VCPIP1: variants seen among roughly 807,000 people sequenced by gnomAD.
VCPIP1 encodes valosin containing protein interacting protein 1, also known as deubiquitinating protein VCPIP1.
Under a neutral mutation model 85.0 loss-of-function variants are expected in VCPIP1, and 8 were observed. That is an observed-to-expected ratio of 0.09 (90% CI 0.06 to 0.17). The LOEUF (loss-of-function observed/expected upper bound fraction) is 0.17. VCPIP1 is among the 10% of genes least tolerant of loss of function. VCPIP1 has a pLI of 1.00. For missense variants in VCPIP1, 1,070 were observed against 1,486.3 expected (o/e 0.72, Z 4.61); for synonymous variants, 543 against 544.5 (o/e 1.00, Z 0.04).
chr8:66,635,236 T>G lies in VCPIP1; in HGVS notation c.2934A>C (p.Leu978Phe). The G allele has an allele frequency of 6.2e-7, 1 of 1,614,186 alleles. No homozygotes were observed. The highest frequency in any genetic ancestry group is 1.3e-5 in the African/African-American group (1 of 75,048). Residue 978 changes from leucine to phenylalanine, a missense_variant, in exon 3 of 3, where the codon TTA becomes TTC. Physicochemically the swap from Leu to Phe is conservative, Grantham distance 22. Around this residue, in one of 8 missense-constraint regions of VCPIP1, gnomAD observed 255 missense variants for 289.5 expected, o/e 0.88. Transcript: ENST00000310421. ...HFPIGPDVED[L>F]VKEAVSQVRA... ...GAACCTGACTTACAGCCTCTTTAAC[T>G]AAATCTTCAACATCAGGACCAATGG...
intron 2 of VCPIP1, among the ~76,000 whole-genome samples, chr8:66,649,332 G>A (rs557796985): frequency 1.8e-4 from 28 of 152,096 alleles, no homozygotes; most frequent in South Asian, 8.3e-4. Flanking sequence ...GCAACATGGC[G>A]AAACCCCATC....
At chr8:66,655,627 T>C (rs1811092227) in intron 1 of VCPIP1, among the ~76,000 whole-genome samples, 1 of 152,184 alleles carries the variant, frequency 6.6e-6, no homozygotes. Flanking sequence ...AACTAATGAT[T>C]ATATGCTACT....
Position 66,631,897 on chromosome 8 carries a change from A to C in VCPIP1, c.*2604T>G, listed in dbSNP as rs1005188137. On this transcript the variant is annotated 3_prime_UTR_variant, in exon 3 of 3. Transcript: ENST00000310421. The stretch of plus-strand genomic sequence containing the variant: ...TTCTCATTACCAGTATTCTAGATAC[A>C]TACTATCTTCAACACTACCTGGACT... 6.6e-6 allele frequency: 1 copy of C among 152,544 alleles called. No homozygotes were observed. The highest frequency in any genetic ancestry group is 6.5e-5 in the Admixed American group (1 of 15,270). 9.4% of individuals were successfully genotyped at this position (152,544 alleles called of 1,614,324 possible).
At position 66,667,020 on chromosome 8, in the gene VCPIP1, A is replaced by AC. The variant is rs1811225185; in HGVS notation, c.-63dup. On this transcript the variant is annotated 5_prime_UTR_variant, in exon 1 of 3. Transcript: ENST00000310421. ...CGACCCTCAAAAGCTCATAGCCCAG[A>AC]CCCCCACCAACCCGACTCGGTCCAG... 1.4e-6 allele frequency: 2 copies of AC among 1,444,366 alleles called. No homozygotes were observed. The highest frequency in any genetic ancestry group is 2.9e-5 in the Admixed American group (1 of 34,948). The allele number at this position is 1,444,366 out of a possible 1,614,324, so 89.5% of individuals were successfully genotyped here. A position where few individuals can be genotyped will look rare whatever the true frequency, so the allele number is the denominator to read the frequency against.
rs183481960 is a variant in VCPIP1 at position 66,661,704 on chromosome 8, C to T, written c.2710+2545G>A. On this transcript the variant is annotated intron_variant, in intron 1 of 2. Coordinates refer to ENST00000310421, the MANE Select transcript of VCPIP1 (RefSeq NM_025054.5). ...TGAGCTGAGATCGCGCCACTGCATT[C>T]CAGCCTGGGCGACAGAGTGAGACTC... 4.4e-3 allele frequency among the ~76,000 whole-genome samples: 668 copies of T among 151,178 alleles called. 3 individuals carry two copies. Among genetic ancestry groups the T allele is most frequent in the Non-Finnish European group, 7.3e-3 (495 of 67,816 alleles).
At chr8:66,661,824 C>T (rs1811161065) in intron 1 of VCPIP1, among the ~76,000 whole-genome samples, 1 of 147,358 alleles carries the variant, frequency 6.8e-6, no homozygotes, top group South Asian at 2.2e-4. Flanking sequence ...AGTGCAGTGG[C>T]ACGATCTCGG....
At chr8:66,638,970 C>CTCTCTCTCTCTCTCTATATATATA in intron 2 of VCPIP1, among the ~76,000 whole-genome samples, 1 of 118,424 alleles carries the variant, frequency 8.4e-6, no homozygotes, top group Non-Finnish European at 1.6e-5. Flanking sequence ...CTCTCTCTCT[C>CTCTCTCTCTCTCTCTATATATATA]TATATATATA....
chr8:66,647,779 A>T (rs1811011053), intron 2 of VCPIP1, among the ~76,000 whole-genome samples: 1 of 152,148 alleles, frequency 6.6e-6, no homozygotes, highest in Admixed American at 6.5e-5. Flanking sequence ...TACATTAAAA[A>T]ATGAACCTTA....
In VCPIP1 at chr8:66,652,482, C is replaced by T. The variant is rs1311134401; in HGVS notation, c.2711-938G>A. Among the ~76,000 whole-genome samples, 3 of 151,990 alleles carry T rather than the reference C, an allele frequency of 2.0e-5. 1 individual carries two copies. Among genetic ancestry groups the T allele is most frequent in the East Asian group, 1.9e-4 (1 of 5,188 alleles). ...TACAAAAATTAGCTGAACGTGGTGG[C>T]GTGCACCTGTAGTTCCAGCTACTTG... On this transcript the variant is annotated intron_variant, in intron 1 of 2. Transcript: ENST00000310421.
chr8:66,654,455 GACAGAGCAAGGCGC>G (rs1443737806), intron 1 of VCPIP1, among the ~76,000 whole-genome samples: 1 of 152,240 alleles, frequency 6.6e-6, no homozygotes, highest in Non-Finnish European at 1.5e-5. Flanking sequence ...CAGCCTGGCT[GACAGAGCAAGGCGC>G]ACACACAAAA....
At chr8:66,658,378 T>A in intron 1 of VCPIP1, among the ~76,000 whole-genome samples, 1 of 149,894 alleles carries the variant, frequency 6.7e-6, no homozygotes, top group African/African-American at 2.5e-5. Flanking sequence ...AAGTACTATC[T>A]AGATTTGAAA....
intron 2 of VCPIP1, among the ~76,000 whole-genome samples, chr8:66,647,080 C>T (rs1315690159): frequency 3.3e-5 from 5 of 151,984 alleles, no homozygotes; most frequent in African/African-American, 7.2e-5. Context: ...TGGTGGCTCA[C>T]GCCTGTAATT....
intron 1 of VCPIP1, among the ~76,000 whole-genome samples, chr8:66,657,094 A>G (rs571702660): frequency 3.9e-5 from 6 of 152,128 alleles, no homozygotes; most frequent in African/African-American, 1.2e-4. Context: ...TAGTAGAGAT[A>G]GGGTTTCTCC....
At chr8:66,647,751 G>A (rs1811010716) in intron 2 of VCPIP1, among the ~76,000 whole-genome samples, 1 of 152,004 alleles carries the variant, frequency 6.6e-6, no homozygotes. Context: ...AAATGGTGCT[G>A]GAACAACTGG....
rs778416894 is a variant in VCPIP1, at chr8:66,664,571, G to A, written c.2388C>T (p.Thr796=). The A allele has an allele frequency of 3.1e-6, 5 of 1,614,148 alleles. No homozygotes were observed. The highest frequency in any genetic ancestry group is 1.6e-4 in the Middle Eastern group (1 of 6,062). The change falls in exon 1 of 3, where the codon ACC becomes ACT. Residue 796 remains threonine (T), a synonymous_variant. Transcript: ENST00000310421. ...QSMVTLKSST[T]FFELQESIAR... Reference sequence around the variant, plus strand: ...CTATACTTTCCTGAAGTTCAAAAAAGGTTGTTGAAGACTTAAGGGTAACCA... The same window carrying A: ...CTATACTTTCCTGAAGTTCAAAAAAAGTTGTTGAAGACTTAAGGGTAACCA...
At chr8:66,636,847 T>G (rs903854313) in intron 2 of VCPIP1, among the ~76,000 whole-genome samples, 1 of 151,252 alleles carries the variant, frequency 6.6e-6, no homozygotes, top group African/African-American at 2.4e-5. Flanking sequence ...AGAGTGAGAC[T>G]CCGTCTCAAA....
At chr8:66,652,329 G>C (rs1450003406) in intron 1 of VCPIP1, among the ~76,000 whole-genome samples, 1 of 152,138 alleles carries the variant, frequency 6.6e-6, no homozygotes, top group Non-Finnish European at 1.5e-5. Context: ...ATATTTTTGG[G>C]CCAGGCATGG....
intron 2 of VCPIP1, among the ~76,000 whole-genome samples, chr8:66,650,817 G>A (rs969128303): frequency 2.5e-5 from 3 of 121,062 alleles, no homozygotes; most frequent in Admixed American, 1.1e-4. Flanking sequence ...CCAAGATAGC[G>A]CCATCACACT....
chr8:66,665,686 G>A lies in VCPIP1; in HGVS notation c.1273C>T (p.His425Tyr). ...GCAACCAAACTAGGATGGATACCAT[G>A]TTTGTCCATAAAGACTTCTTCCATA... ...AAMEEVFMDK[H>Y]GIHPSLVADV... The change falls in exon 1 of 3, where the codon CAT becomes TAT. Residue 425 changes from histidine (H) to tyrosine (Y), a missense_variant. Around this residue, in one of 8 missense-constraint regions of VCPIP1, gnomAD observed 83 missense variants for 134.6 expected, o/e 0.62. Transcript: ENST00000310421. This position sits in a 1 kb window ranked among gnomAD's most constrained non-coding sequence, Gnocchi z 4.3. The A allele has an allele frequency of 1.2e-6, 2 of 1,614,110 alleles. No individual in the cohort carries two copies. The highest frequency in any genetic ancestry group is 8.5e-7 in the Non-Finnish European group (1 of 1,179,986).
Sources: allele counts gnomAD v4.1 joint callset (sites outside exome capture counted in the v4.1 genomes callset), GRCh38; gene constraint gnomAD v4.1.1; regional missense constraint gnomAD v4.1.1; non-coding constraint Gnocchi (gnomAD v3.1); transcripts MANE v1.5; gene names NCBI Gene and HGNC (gene_info 2026-07-23, HGNC 2026-07-21).